OPHN1: variants seen among roughly 807,000 people sequenced by gnomAD.
OPHN1 encodes oligophrenin-1.
A neutral mutation model predicts 60.7 loss-of-function variants in OPHN1; 11 were observed. The ratio of observed to expected loss-of-function variants is 0.18; its 90% CI spans 0.11 to 0.30. OPHN1 has a LOEUF of 0.30. Ranked by LOEUF, OPHN1 falls within the 10% of genes least tolerant of loss-of-function variation. The pLI, the probability that OPHN1 is intolerant of heterozygous loss-of-function variation, is 1.00. For synonymous variants in OPHN1, 226 were observed against 222.6 expected, an observed-to-expected ratio of 1.02 and a Z score of -0.14; for missense variants, 449 against 611.0, an observed-to-expected ratio of 0.73 and a Z score of 2.80.
intron 3 of OPHN1, among the ~76,000 whole-genome samples, chrX:68,294,116 C>T (rs1481769532): frequency 9.0e-6 from 1 of 110,990 alleles, no homozygotes; most frequent in Non-Finnish European, 1.9e-5. Context: ...TTGTTTATGT[C>T]ATTTAGTGGA....
intron 15 of OPHN1, among the ~76,000 whole-genome samples, chrX:68,134,871 T>G (rs1454620915): frequency 9.0e-6 from 1 of 111,366 alleles, no homozygotes; most frequent in Non-Finnish European, 1.9e-5. Flanking sequence ...TTCACCTTGT[T>G]TCCAAGACTG....
At chrX:68,280,893 A>T (rs374535151) in intron 4 of OPHN1, among the ~76,000 whole-genome samples, 3 of 111,635 alleles carry the variant, frequency 2.7e-5, no homozygotes, top group Admixed American at 1.9e-4. Context: ...AATACATAAA[A>T]TATCTATATA....
chrX:68,247,837 G>A (rs2077814510), intron 5 of OPHN1, among the ~76,000 whole-genome samples: 1 of 109,979 alleles, frequency 9.1e-6, no homozygotes, highest in Admixed American at 9.8e-5. Flanking sequence ...GGCTGAGGTG[G>A]GAGGTTGCAA....
At chrX:68,392,447 G>A (rs900991365) in intron 2 of OPHN1, among the ~76,000 whole-genome samples, 1 of 110,295 alleles carries the variant, frequency 9.1e-6, no homozygotes, top group African/African-American at 3.3e-5. Flanking sequence ...GATGGCTTGA[G>A]TCTAGGAATT....
At chrX:68,281,536 C>T (rs2078019089) in intron 4 of OPHN1, among the ~76,000 whole-genome samples, 1 of 111,156 alleles carries the variant, frequency 9.0e-6, no homozygotes, top group East Asian at 2.8e-4. Flanking sequence ...GATATAACAC[C>T]AAAAGTATGA....
intron 5 of OPHN1, among the ~76,000 whole-genome samples, chrX:68,272,279 A>G (rs1001131858): frequency 2.7e-5 from 3 of 111,339 alleles, no homozygotes; most frequent in Non-Finnish European, 5.6e-5. Flanking sequence ...AAGAAGTATG[A>G]AAAAAGATAG....
chrX:68,144,619 T>C (rs972225360), intron 15 of OPHN1, among the ~76,000 whole-genome samples: 5 of 112,030 alleles, frequency 4.5e-5, no homozygotes, highest in Non-Finnish European at 9.4e-5. Flanking sequence ...AAACTCCAAG[T>C]TAATAAATCA....
At chrX:68,217,807 G>A (rs1211913238) in intron 6 of OPHN1, among the ~76,000 whole-genome samples, 2 of 95,202 alleles carry the variant, frequency 2.1e-5, no homozygotes, top group African/African-American at 6.8e-5. Flanking sequence ...ACCAAAAGTA[G>A]ATAAAACCAC....
intron 15 of OPHN1, among the ~76,000 whole-genome samples, chrX:68,167,376 A>T (rs2085000534): frequency 9.0e-6 from 1 of 111,521 alleles, no homozygotes; most frequent in African/African-American, 3.3e-5. Flanking sequence ...GAGAAAAAGG[A>T]AACCTTTGTA....
chrX:68,121,419 T>C (rs1263050628), intron 15 of OPHN1, among the ~76,000 whole-genome samples: 1 of 111,792 alleles, frequency 8.9e-6, no homozygotes, highest in Non-Finnish European at 1.9e-5. Context: ...AGACACTGCA[T>C]TGAACTCCGT....
At chrX:68,259,004 C>T (rs1376075444) in intron 5 of OPHN1, among the ~76,000 whole-genome samples, 2 of 112,053 alleles carry the variant, frequency 1.8e-5, no homozygotes, top group South Asian at 3.7e-4. Flanking sequence ...TTTGGCAACA[C>T]ATCTAGTAAA....
At chrX:68,266,493 C>A (rs2077928179) in intron 5 of OPHN1, among the ~76,000 whole-genome samples, 1 of 111,027 alleles carries the variant, frequency 9.0e-6, no homozygotes, top group Non-Finnish European at 1.9e-5. Context: ...GATTTTGTCA[C>A]CACCAGGCCT....
chrX:68,210,177 C>T lies in OPHN1; in HGVS notation c.808G>A (p.Gly270Ser). 8.3e-7 allele frequency: 1 copy of T among 1,210,978 alleles called. No homozygotes were observed. Among genetic ancestry groups the T allele is most frequent in the Non-Finnish European group, 1.1e-6 (1 of 895,084 alleles). Reference protein sequence around the residue: ...CKLPGQPTIEGYLYTQEKWAL... With the variant: ...CKLPGQPTIESYLYTQEKWAL... Reference sequence around the variant, plus strand: ...CATTTCTCTTGTGTATAGAGATAGCCTTCAATAGTTGGCTGTCCTGGAAGT... The same window carrying T: ...CATTTCTCTTGTGTATAGAGATAGCTTTCAATAGTTGGCTGTCCTGGAAGT... The change falls in exon 9 of 25, where the codon GGC becomes AGC. Residue 270 changes from glycine to serine, a missense_variant. Transcript: ENST00000355520.
intron 2 of OPHN1, among the ~76,000 whole-genome samples, chrX:68,403,892 GT>G (rs754880255): frequency 1.1e-4 from 12 of 108,718 alleles, no homozygotes; most frequent in Non-Finnish European, 1.9e-4. Flanking sequence ...TAAAAGTGAA[GT>G]GCCACAGTCA....
chrX:68,228,398 A>C (rs1311635040), intron 6 of OPHN1, among the ~76,000 whole-genome samples: 2 of 111,286 alleles, frequency 1.8e-5, no homozygotes, highest in Non-Finnish European at 3.8e-5. Flanking sequence ...ATCCTCCCTA[A>C]CTCATTTTAT....
rs190564916 is a variant in OPHN1, at chrX:68,115,239, C to A, written c.1362-2000G>T. On this transcript the variant is annotated intron_variant, in intron 16 of 24. Transcript: ENST00000355520. ...ATGCAAAGATCTGGCTCTATTGGTT[C>A]TTTGTAGAAGTAAACAACACTGCTG... Among the ~76,000 whole-genome samples, 144 of 112,642 alleles carry A rather than the reference C, an allele frequency of 1.3e-3. 1 individual carries two copies. Among genetic ancestry groups the A allele is most frequent in the African/African-American group, 4.6e-3 (143 of 31,057 alleles).
chrX:68,179,398 C>A (rs1419615965), intron 15 of OPHN1, among the ~76,000 whole-genome samples: 1 of 112,070 alleles, frequency 8.9e-6, no homozygotes, highest in Non-Finnish European at 1.9e-5. Flanking sequence ...AGTTCTCTGA[C>A]ACTGCTGAGA....
chrX:68,266,530 A>C (rs2077928508), intron 5 of OPHN1, among the ~76,000 whole-genome samples: 1 of 111,579 alleles, frequency 9.0e-6, no homozygotes, highest in South Asian at 3.8e-4. Flanking sequence ...TGAAGGAAGC[A>C]CTAAACATGG....
chrX:68,371,788 G>A (rs918883432), intron 2 of OPHN1, among the ~76,000 whole-genome samples: 1 of 110,732 alleles, frequency 9.0e-6, no homozygotes, highest in South Asian at 3.8e-4. Context: ...CCGGGCTGCC[G>A]GGCTGGAGTG....
Sources: allele counts gnomAD v4.1 joint callset (sites outside exome capture counted in the v4.1 genomes callset), GRCh38; gene constraint gnomAD v4.1.1; transcripts MANE v1.5; gene names NCBI Gene and HGNC (gene_info 2026-07-23, HGNC 2026-07-21).